NDUFC2: variants seen among roughly 807,000 people sequenced by gnomAD.
NDUFC2 encodes NADH dehydrogenase [ubiquinone] 1 subunit C2.
Under a neutral mutation model 10.1 loss-of-function variants are expected in NDUFC2, and 2 were observed. The observed-to-expected ratio is 0.20, with a 90% confidence interval of 0.08 to 0.62. The LOEUF (loss-of-function observed/expected upper bound fraction) is 0.62, where lower values mean the gene tolerates loss of function less well. Ranked by LOEUF, NDUFC2 falls within the 20% of genes least tolerant of loss-of-function variation. The pLI, the probability that NDUFC2 is intolerant of heterozygous loss-of-function variation, is 0.87. For synonymous variants in NDUFC2, 61 were observed against 63.6 expected (o/e 0.96, Z 0.20); for missense variants, 156 against 159.6 (o/e 0.98, Z 0.12).
chr11:78,079,626 G>C lies in NDUFC2; in HGVS notation c.119C>G (p.Ser40Cys). Residue 40 changes from serine (S) to cysteine (C), a missense_variant, in exon 1 of 3, where the codon TCC becomes TGC. Physicochemically the swap from Ser to Cys is moderately radical, Grantham distance 112. Coordinates refer to ENST00000281031, the MANE Select transcript of NDUFC2 (RefSeq NM_004549.6). ...CCGGATTAGGTTATCAATCAGGCCG[G>C]AGCAGTAGCCCAAGAAGCCGATGTA... is the stretch of plus-strand genomic sequence containing the variant. ...LLYIGFLGYCSGLIDNLIRRR... is the reference protein window; with the variant it reads ...LLYIGFLGYCCGLIDNLIRRR... 6.3e-7 allele frequency: 1 copy of C among 1,574,810 alleles called. No individual in the cohort carries two copies. Among genetic ancestry groups the C allele is most frequent in the Non-Finnish European group, 8.6e-7 (1 of 1,160,718 alleles).
chr11:78,079,820 C>G lies in NDUFC2; in HGVS notation c.-76G>C. The G allele has an allele frequency of 1.3e-6, 2 of 1,496,448 alleles. No individual in the cohort carries two copies. The highest frequency in any genetic ancestry group is 8.9e-7 in the Non-Finnish European group (1 of 1,123,030). 92.7% of individuals were successfully genotyped at this position (1,496,448 alleles called of 1,614,324 possible). A position where few individuals can be genotyped will look rare whatever the true frequency, so the allele number is the denominator to read the frequency against. On this transcript the variant is annotated 5_prime_UTR_variant, in exon 1 of 3. Transcript: ENST00000281031. ...AAAACCACGACGACCACTACCCCGG[C>G]CTAAGCGGTCAGCTTTCTCCTCCTC...
At chr11:78,076,134 C>A (rs971310183) in intron 1 of NDUFC2, among the ~76,000 whole-genome samples, 1 of 124,336 alleles carries the variant, frequency 8.0e-6, no homozygotes, top group African/African-American at 3.2e-5. Flanking sequence ...TACTTATTCA[C>A]TCAATACTAC....
chr11:78,079,392 A>G (rs2136848131), intron 1 of NDUFC2, among the ~76,000 whole-genome samples, 187 bp downstream of exon 1: 1 of 152,222 alleles, frequency 6.6e-6, no homozygotes, highest in Middle Eastern at 3.4e-3. Context: ...CAAGTGCCAA[A>G]TGACACTCTG....
At chr11:78,071,379 C>A (rs1414591527) in intron 2 of NDUFC2, among the ~76,000 whole-genome samples, 1 of 151,560 alleles carries the variant, frequency 6.6e-6, no homozygotes, top group East Asian at 1.9e-4. Flanking sequence ...GCCTCAGCCT[C>A]CCAAGTCAAT....
Position 78,069,760 on chromosome 11 carries a change from C to A in NDUFC2, c.*227G>T. On this transcript the variant is annotated 3_prime_UTR_variant, in exon 3 of 3. Coordinates refer to ENST00000281031, the MANE Select transcript of NDUFC2 (RefSeq NM_004549.6). ...AGTCTGCTAACTCTAAACTAGAATT[C>A]AACCTCATCTTAAAATCTTTCAGAT... is the stretch of plus-strand genomic sequence containing the variant. 9.7e-7 allele frequency: 1 copy of A among 1,026,836 alleles called. No homozygotes were observed. The highest frequency in any genetic ancestry group is 1.4e-6 in the Non-Finnish European group (1 of 700,202). 63.6% of individuals were successfully genotyped at this position (1,026,836 alleles called of 1,614,324 possible). A position where few individuals can be genotyped will look rare whatever the true frequency, so the allele number is the denominator to read the frequency against.
At chr11:78,071,794 G>A (rs968299192) in intron 2 of NDUFC2, among the ~76,000 whole-genome samples, 6 of 152,268 alleles carry the variant, frequency 3.9e-5, no homozygotes, top group African/African-American at 1.2e-4. Flanking sequence ...TGGATGGGGT[G>A]GAAACAGGGG....
intron 1 of NDUFC2, among the ~76,000 whole-genome samples, chr11:78,078,407 T>TCCCACTAGCC (rs2136843653): frequency 6.6e-6 from 1 of 152,154 alleles, no homozygotes; most frequent in African/African-American, 2.4e-5. Flanking sequence ...CCCCATTAGC[T>TCCCACTAGCC]CCCACTAGCC....
At chr11:78,075,461 T>C (rs1404208629) in intron 1 of NDUFC2, among the ~76,000 whole-genome samples, 1 of 152,222 alleles carries the variant, frequency 6.6e-6, no homozygotes, top group Non-Finnish European at 1.5e-5. Flanking sequence ...AAATACCACA[T>C]GTACCCCCAA....
At chr11:78,071,147 G>T (rs932466678) in intron 2 of NDUFC2, among the ~76,000 whole-genome samples, 45 of 152,066 alleles carry the variant, frequency 3.0e-4, no homozygotes, top group African/African-American at 1.1e-3. Flanking sequence ...TGAAGGCTGT[G>T]GGAATATTAA....
At chr11:78,070,607 G>T (rs1336787065) in intron 2 of NDUFC2, among the ~76,000 whole-genome samples, 2 of 152,130 alleles carry the variant, frequency 1.3e-5, no homozygotes, top group Non-Finnish European at 2.9e-5. Flanking sequence ...ATCACTGAAG[G>T]ATTTTCTTTC....
At chr11:78,078,742 T>TTTTTTTTTTTTTTTTTA (rs1859362536) in intron 1 of NDUFC2, among the ~76,000 whole-genome samples, 1 of 142,264 alleles carries the variant, frequency 7.0e-6, no homozygotes, top group Admixed American at 7.2e-5. Flanking sequence ...TTTTTTTTTT[T>TTTTTTTTTTTTTTTTTA]TGAGACAGGG....
chr11:78,069,674 TA>T lies in NDUFC2; in HGVS notation c.*312del. On this transcript the variant is annotated 3_prime_UTR_variant, in exon 3 of 3. Transcript: ENST00000281031. ...CATGGCAGTCGCCATAAACAACATGTAAACAAATGAGCATGGCTGTGTTCCA... is the reference window on the plus strand; with the variant it reads ...CATGGCAGTCGCCATAAACAACATGTAACAAATGAGCATGGCTGTGTTCCA... 1 of 585,214 alleles carries T rather than the reference TA, an allele frequency of 1.7e-6. No individual in the cohort carries two copies. Among genetic ancestry groups the T allele is most frequent in the Non-Finnish European group, 3.0e-6 (1 of 338,548 alleles). 36.3% of individuals were successfully genotyped at this position (585,214 alleles called of 1,614,324 possible). A position where few individuals can be genotyped will look rare whatever the true frequency, so the allele number is the denominator to read the frequency against.
chr11:78,072,105 T>G (rs954009165), intron 2 of NDUFC2, among the ~76,000 whole-genome samples: 1 of 152,224 alleles, frequency 6.6e-6, no homozygotes, highest in South Asian at 2.1e-4. Context: ...TTAGCTAACC[T>G]GGAGTAAATG....
At chr11:78,077,778 G>T (rs1430722774) in intron 1 of NDUFC2, among the ~76,000 whole-genome samples, 7 of 152,132 alleles carry the variant, frequency 4.6e-5, no homozygotes, top group Non-Finnish European at 1.0e-4. Flanking sequence ...GGCTGGTCTT[G>T]AACTCCTGGC....
rs1858864409 is a variant in NDUFC2, at chr11:78,068,852, T to C, written c.*1135A>G. 1.3e-5 allele frequency: 2 copies of C among 151,284 alleles called. No individual in the cohort carries two copies. Among genetic ancestry groups the C allele is most frequent in the East Asian group, 3.9e-4 (2 of 5,186 alleles). The allele number at this position is 151,284 out of a possible 1,614,324, so 9.4% of individuals were successfully genotyped here. ...CCTAATCTGATTATAAATTCTAAGC[T>C]AGGAAACAAAAACTTTTGGGACAAG... On this transcript the variant is annotated 3_prime_UTR_variant, in exon 3 of 3. Coordinates refer to ENST00000281031, the MANE Select transcript of NDUFC2 (RefSeq NM_004549.6).
At chr11:78,070,083 A>C in intron 2 of NDUFC2, 47 bp from the exon 3 acceptor site, 1 of 1,353,060 alleles carries the variant, frequency 7.4e-7, no homozygotes, top group South Asian at 1.3e-5. Flanking sequence ...AATATGTTTT[A>C]AAAATTGTAT....
intron 1 of NDUFC2, 111 bp downstream of exon 1, chr11:78,079,468 A>T: frequency 7.1e-7 from 1 of 1,411,632 alleles, no homozygotes; most frequent in Non-Finnish European, 9.3e-7. Context: ...GGGGCCAGCT[A>T]GGCAAAAAGG....
intron 1 of NDUFC2, among the ~76,000 whole-genome samples, chr11:78,073,801 C>CAAAAA (rs11290651): frequency 6.4e-5 from 4 of 62,082 alleles, no homozygotes; most frequent in Admixed American, 2.1e-4. Flanking sequence ...GGCTCTGTCT[C>CAAAAA]AAAAAAAAAA....
Position 78,077,977 on chromosome 11 carries a change from C to A in NDUFC2, c.166+1602G>T, listed in dbSNP as rs190556016. On this transcript the variant is annotated intron_variant, in intron 1 of 2. Transcript: ENST00000281031. ...AACCTCGAGTCCTCAGAGGCATAAA[C>A]GGACAAAGATGACTCCTTTCTGAAG... Among the ~76,000 whole-genome samples, 3 of 152,310 alleles carry A rather than the reference C, an allele frequency of 2.0e-5. No individual in the cohort carries two copies. The East Asian group carries it at 5.8e-4, about 29-fold the overall frequency.
Sources: allele counts gnomAD v4.1 joint callset (sites outside exome capture counted in the v4.1 genomes callset), GRCh38; gene constraint gnomAD v4.1.1; transcripts MANE v1.5; gene names NCBI Gene and HGNC (gene_info 2026-07-23, HGNC 2026-07-21).